Variants in UNC13C observed in about 807,000 individuals in gnomAD.
UNC13C encodes unc-13 homolog C, also known as protein unc-13 homolog C.
A neutral mutation model predicts 245.4 loss-of-function variants in UNC13C; 174 were observed. The observed-to-expected ratio is 0.71, with a 90% CI of 0.63 to 0.80. The LOEUF is 0.80. UNC13C is among the 30% of genes least tolerant of loss of function. UNC13C has a pLI of 0.00. For synonymous variants in UNC13C, 992 were observed against 895.1 expected (o/e 1.11, Z -1.93); for missense variants, 2,829 against 2,602.9 (o/e 1.09, Z -1.89).
the UNC13C span, among the ~76,000 whole-genome samples, chr15:53,967,769 T>G: frequency 2.0e-5 from 3 of 152,178 alleles, no homozygotes; most frequent in Admixed American, 2.0e-4. Context: ...CAAATGGAGA[T>G]AAATAACTAG....
chr15:53,888,024 G>A, the UNC13C span, among the ~76,000 whole-genome samples: 1 of 151,910 alleles, frequency 6.6e-6, no homozygotes, highest in East Asian at 1.9e-4. Flanking sequence ...ACGTGTGCAT[G>A]TGTCTTTATA....
chr15:54,416,779 A>G lies in UNC13C; in HGVS notation c.4933+1712A>G, dbSNP rs182482080. 77 of 384,528 alleles carry G rather than the reference A, an allele frequency of 2.0e-4. No individual in the cohort carries two copies. In the East Asian group the frequency reaches 5.3e-3, roughly 26 times the overall value. The allele number at this position is 384,528 out of a possible 1,614,324, so 23.8% of individuals were successfully genotyped here. A position where few individuals can be genotyped will look rare whatever the true frequency, so the allele number is the denominator to read the frequency against. On this transcript the variant is annotated intron_variant, in intron 19 of 32. Coordinates refer to ENST00000260323, the MANE Select transcript of UNC13C (RefSeq NM_001080534.3). The stretch of plus-strand genomic sequence containing the variant: ...TAGATTCTTAATCTCCTTTGTCAGA[A>G]CAGACTCTTCTCTGCTGTTCCCTAT...
chr15:54,017,485 T>C (rs1383564577), intron 2 of UNC13C, among the ~76,000 whole-genome samples: 4 of 51,302 alleles, frequency 7.8e-5, no homozygotes, highest in African/African-American at 3.8e-4. Flanking sequence ...TGCATGAGCA[T>C]GTGTGTGTGT....
intron 17 of UNC13C, among the ~76,000 whole-genome samples, chr15:54,383,653 C>T (rs551192943): frequency 6.6e-6 from 1 of 152,206 alleles, no homozygotes; most frequent in African/African-American, 2.4e-5. Context: ...CAACATGGTG[C>T]TGGAAGTCTT....
intron 7 of UNC13C, among the ~76,000 whole-genome samples, chr15:54,244,456 C>T (rs2035939676): frequency 6.6e-6 from 1 of 152,084 alleles, no homozygotes; most frequent in African/African-American, 2.4e-5. Context: ...GTTATTCAGG[C>T]TCTTTTTGGT....
At chr15:54,204,439 G>T (rs907728289) in intron 4 of UNC13C, among the ~76,000 whole-genome samples, 3 of 151,714 alleles carry the variant, frequency 2.0e-5, no homozygotes, top group African/African-American at 4.8e-5. Flanking sequence ...CTAGATTGTG[G>T]TTGATATTTA....
At chr15:54,331,557 A>G (rs1488052336) in intron 14 of UNC13C, among the ~76,000 whole-genome samples, 11 of 152,114 alleles carry the variant, frequency 7.2e-5, no homozygotes, top group Non-Finnish European at 1.0e-4. Context: ...TATTTTTTCC[A>G]ATTGGTTTTG....
the UNC13C span, among the ~76,000 whole-genome samples, chr15:53,847,285 A>T: frequency 2.0e-5 from 3 of 152,196 alleles, no homozygotes; most frequent in Non-Finnish European, 4.4e-5. Context: ...AACATGGAAG[A>T]TGTTAAATAA....
intron 1 of UNC13C, among the ~76,000 whole-genome samples, chr15:54,000,124 G>T (rs1206181154): frequency 6.6e-6 from 1 of 152,050 alleles, no homozygotes; most frequent in Non-Finnish European, 1.5e-5. Context: ...TTCTGAGGGA[G>T]AAGTTTTAAG....
chr15:54,428,791 G>A (rs1249458740), intron 19 of UNC13C, among the ~76,000 whole-genome samples: 4 of 151,484 alleles, frequency 2.6e-5, no homozygotes, highest in Admixed American at 1.3e-4. Flanking sequence ...TGTGCCCTTT[G>A]ATCCCTTGTT....
intron 1 of UNC13C, among the ~76,000 whole-genome samples, chr15:53,981,259 T>C (rs1893917306): frequency 6.6e-6 from 1 of 152,320 alleles, no homozygotes; most frequent in Non-Finnish European, 1.5e-5. Context: ...TATGTTTCTG[T>C]TATTCATTCT....
At chr15:54,561,299 T>A (rs1897289922) in intron 29 of UNC13C, among the ~76,000 whole-genome samples, 2 of 152,028 alleles carry the variant, frequency 1.3e-5, no homozygotes, top group Non-Finnish European at 2.9e-5. Flanking sequence ...TGATACATGT[T>A]AACTTATAAC....
chr15:54,274,057 T>C (rs184259685), intron 10 of UNC13C, among the ~76,000 whole-genome samples: 35 of 152,190 alleles, frequency 2.3e-4, no homozygotes, highest in East Asian at 1.9e-3. Flanking sequence ...GTAAGACACA[T>C]GATTTTTTTT....
chr15:54,545,842 A>G (rs1896460325), intron 26 of UNC13C, among the ~76,000 whole-genome samples: 1 of 152,188 alleles, frequency 6.6e-6, no homozygotes, highest in Non-Finnish European at 1.5e-5. Flanking sequence ...GAGAATGTGG[A>G]GAAATAGGAA....
intron 2 of UNC13C, among the ~76,000 whole-genome samples, chr15:54,110,759 C>A (rs1488711677): frequency 6.6e-6 from 1 of 152,008 alleles, no homozygotes; most frequent in Non-Finnish European, 1.5e-5. Flanking sequence ...AATTTTTTCC[C>A]TTTCTAGTGA....
chr15:54,586,354 C>T (rs1022601894), intron 30 of UNC13C, among the ~76,000 whole-genome samples: 6 of 152,148 alleles, frequency 3.9e-5, no homozygotes, highest in African/African-American at 1.4e-4. Flanking sequence ...GGCTGAAAGC[C>T]CAAGATGAAG....
At chr15:53,846,156 C>T in the UNC13C span, among the ~76,000 whole-genome samples, 30 of 152,214 alleles carry the variant, frequency 2.0e-4, no homozygotes, top group East Asian at 7.7e-4. Context: ...TCAGTAGGTT[C>T]GGTGCATTAA....
intron 10 of UNC13C, among the ~76,000 whole-genome samples, chr15:54,281,636 A>C (rs1029264715): frequency 6.6e-6 from 1 of 152,208 alleles, no homozygotes; most frequent in Non-Finnish European, 1.5e-5. Flanking sequence ...GAATGCATGC[A>C]TTCATTCCAG....
intron 4 of UNC13C, among the ~76,000 whole-genome samples, chr15:54,227,895 G>A (rs1314341790): frequency 6.6e-6 from 1 of 152,208 alleles, no homozygotes; most frequent in African/African-American, 2.4e-5. Flanking sequence ...TCCACAATAA[G>A]CAGGTGGTAA....
Sources: allele counts gnomAD v4.1 joint callset (sites outside exome capture counted in the v4.1 genomes callset), GRCh38; gene constraint gnomAD v4.1.1; transcripts MANE v1.5; gene names NCBI Gene and HGNC (gene_info 2026-07-23, HGNC 2026-07-21).